MARK2: variants seen among roughly 807,000 people sequenced by gnomAD.
The protein encoded by MARK2 is serine/threonine-protein kinase MARK2.
A neutral mutation model predicts 89.8 loss-of-function variants in MARK2; 16 were observed. That is an observed-to-expected ratio of 0.18 (90% CI 0.12 to 0.27). The LOEUF (loss-of-function observed/expected upper bound fraction) is 0.27. MARK2 is among the 10% of genes least tolerant of loss of function. MARK2 has a pLI of 1.00. For synonymous variants in MARK2, 382 were observed against 399.5 expected, an observed-to-expected ratio of 0.96 and a Z score of 0.52; for missense variants, 621 against 1,049.9, an observed-to-expected ratio of 0.59 and a Z score of 5.65.
chr11:63,904,696 C>T lies in MARK2; in HGVS notation c.1677-90C>T. On this transcript the variant is annotated intron_variant, in intron 15 of 18. Coordinates refer to ENST00000402010, the MANE Select transcript of MARK2 (RefSeq NM_001039469.3). The surrounding 1 kb of genome is among the most constrained non-coding windows in gnomAD (Gnocchi z 6.3). ...GCTGCCTCTGCCCTAGCATCCCCCT[C>T]CCTGTCCCCACCACAGGGTGTCCAG... is the stretch of plus-strand genomic sequence containing the variant. The T allele has an allele frequency of 8.7e-7, 1 of 1,145,028 alleles. No individual in the cohort carries two copies. Among genetic ancestry groups the T allele is most frequent in the Non-Finnish European group, 1.3e-6 (1 of 769,476 alleles). 70.9% of individuals were successfully genotyped at this position (1,145,028 alleles called of 1,614,324 possible). A position where few individuals can be genotyped will look rare whatever the true frequency, so the allele number is the denominator to read the frequency against.
At chr11:63,858,409 G>T (rs1937586662) in intron 1 of MARK2, among the ~76,000 whole-genome samples, 1 of 151,718 alleles carries the variant, frequency 6.6e-6, no homozygotes, top group African/African-American at 2.4e-5. Context: ...ACCCAGGCTG[G>T]AGTGCAATGG....
intron 1 of MARK2, among the ~76,000 whole-genome samples, chr11:63,852,272 T>C (rs2016610680): frequency 6.6e-6 from 1 of 152,234 alleles, no homozygotes; most frequent in Non-Finnish European, 1.5e-5. Context: ...ACTTCTGTGC[T>C]CTTACTAGGT....
At chr11:63,879,231 C>G (rs1485954473) in intron 1 of MARK2, among the ~76,000 whole-genome samples, 1 of 152,018 alleles carries the variant, frequency 6.6e-6, no homozygotes, top group Non-Finnish European at 1.5e-5. Flanking sequence ...CACTTGAACC[C>G]AGGAGGTAGA....
chr11:63,884,032 G>A (rs749432785), intron 1 of MARK2, among the ~76,000 whole-genome samples: 5 of 152,248 alleles, frequency 3.3e-5, no homozygotes, highest in African/African-American at 4.8e-5. Flanking sequence ...TGGGCAGAGC[G>A]ACTATAGTAA....
intron 1 of MARK2, among the ~76,000 whole-genome samples, chr11:63,840,530 C>A (rs1481354310): frequency 6.6e-6 from 1 of 152,198 alleles, no homozygotes; most frequent in African/African-American, 2.4e-5. Context: ...TTTTGCCTTT[C>A]TGTCTTCGTA....
chr11:63,870,600 T>C (rs1426261125), intron 1 of MARK2, among the ~76,000 whole-genome samples: 1 of 152,192 alleles, frequency 6.6e-6, no homozygotes, highest in African/African-American at 2.4e-5. Flanking sequence ...GATTTAGTCT[T>C]GGAAATTCCC....
At chr11:63,878,967 A>G (rs1384454938) in intron 1 of MARK2, among the ~76,000 whole-genome samples, 1 of 152,146 alleles carries the variant, frequency 6.6e-6, no homozygotes, top group Non-Finnish European at 1.5e-5. Context: ...TTTCTTGACT[A>G]ATATGCTGCA....
chr11:63,857,103 G>A (rs968455175), intron 1 of MARK2, among the ~76,000 whole-genome samples: 13 of 149,514 alleles, frequency 8.7e-5, no homozygotes, highest in East Asian at 2.0e-4. Flanking sequence ...GAGCCACCAC[G>A]CCCGGCCTAA....
intron 1 of MARK2, among the ~76,000 whole-genome samples, chr11:63,864,931 C>T (rs1938043106): frequency 6.6e-6 from 1 of 152,174 alleles, no homozygotes; most frequent in Admixed American, 6.5e-5. Context: ...GAGTCTGACT[C>T]TGTTGCCCAG....
intron 1 of MARK2, among the ~76,000 whole-genome samples, chr11:63,859,099 A>G (rs1937609599): frequency 6.6e-6 from 1 of 150,994 alleles, no homozygotes; most frequent in Non-Finnish European, 1.5e-5. Flanking sequence ...TTTAACTTAT[A>G]TGTTGGCTAT....
intron 1 of MARK2, among the ~76,000 whole-genome samples, chr11:63,889,217 C>T (rs1939623883): frequency 6.6e-6 from 1 of 152,100 alleles, no homozygotes; most frequent in Non-Finnish European, 1.5e-5. Context: ...AGGCAGAGGC[C>T]TGAGGCCTCA....
chr11:63,887,126 T>G (rs1288524571), intron 1 of MARK2, among the ~76,000 whole-genome samples: 4 of 152,224 alleles, frequency 2.6e-5, no homozygotes. Flanking sequence ...CCCGAGCACC[T>G]TCCCTGAGTC....
intron 1 of MARK2, among the ~76,000 whole-genome samples, chr11:63,863,295 G>C (rs1301466895): frequency 1.3e-5 from 2 of 152,040 alleles, no homozygotes; most frequent in African/African-American, 4.8e-5. Context: ...TTGTTTCTTA[G>C]TGGGAATGGT....
intron 1 of MARK2, chr11:63,850,073 G>GA (rs976046541): frequency 2.6e-5 from 4 of 152,284 alleles, no homozygotes; most frequent in African/African-American, 9.6e-5. Flanking sequence ...GTAATCAGTT[G>GA]AAAAAATCTT....
chr11:63,839,383 C>G lies in MARK2; in HGVS notation c.-124C>G. On this transcript the variant is annotated 5_prime_UTR_variant, in exon 1 of 19. Transcript: ENST00000402010. ...GAGCGGCTGCCCGGCCTCCCCGCACCCCCGGCCGGGGCCCATGCGGCGGGT... is the reference window on the plus strand; with the variant it reads ...GAGCGGCTGCCCGGCCTCCCCGCACGCCCGGCCGGGGCCCATGCGGCGGGT... 3.3e-6 allele frequency: 2 copies of G among 599,188 alleles called. No homozygotes were observed. The highest frequency in any genetic ancestry group is 1.9e-5 in the South Asian group (1 of 53,554). The allele number at this position is 599,188 out of a possible 1,614,324, so 37.1% of individuals were successfully genotyped here.
In MARK2 at chr11:63,902,687, C is replaced by T. The variant is rs1319760535; in HGVS notation, c.1321C>T (p.Arg441Trp). 8 of 1,614,066 alleles carry T rather than the reference C, an allele frequency of 5.0e-6. No homozygotes were observed. The highest frequency in any genetic ancestry group is 6.8e-6 in the Non-Finnish European group (8 of 1,179,984). Reference sequence around the variant, plus strand: ...AGAAAATAAGCGGCCTGAGGAGGACCGGGAGTCAGGGCGGAAAGCCAGCAG... The same window carrying T: ...AGAAAATAAGCGGCCTGAGGAGGACTGGGAGTCAGGGCGGAAAGCCAGCAG... ...NAENKRPEED[R>W]ESGRKASSTA... Residue 441 changes from arginine to tryptophan, a missense_variant, in exon 13 of 19, where the codon CGG becomes TGG. By Grantham distance (101) the Arg-to-Trp change is moderately radical. This residue lies in a region of MARK2 where 397 missense variants were observed against 567.8 expected (regional missense o/e 0.70). Transcript: ENST00000402010. The surrounding 1 kb of genome is among the most constrained non-coding windows in gnomAD (Gnocchi z 4.2).
intron 1 of MARK2, among the ~76,000 whole-genome samples, chr11:63,850,458 C>G (rs1464858139): frequency 6.6e-6 from 1 of 151,324 alleles, no homozygotes; most frequent in Non-Finnish European, 1.5e-5. Context: ...TGAGCCACTG[C>G]ACCCGCCCTA....
chr11:63,853,840 TTTAC>T lies in MARK2; in HGVS notation c.54+14284_54+14287del, dbSNP rs534250666. On this transcript the variant is annotated intron_variant, in intron 1 of 18. Transcript: ENST00000402010. ...GGATTAAAGACTATCATTTTTTTTA[TTTAC>T]TTATTTATTTATTTATTTATTTTAA... 1.4e-3 allele frequency among the ~76,000 whole-genome samples: 208 copies of T among 152,140 alleles called. 1 individual carries two copies. The highest frequency in any genetic ancestry group is 2.3e-3 in the Non-Finnish European group (155 of 67,996).
At chr11:63,906,065 C>CTT in intron 16 of MARK2, 23 bp from the exon 17 acceptor site, 2 of 1,333,378 alleles carry the variant, frequency 1.5e-6, no homozygotes, top group Non-Finnish European at 9.7e-7. Flanking sequence ...TTTATTTTGT[C>CTT]TTTTTTTTGT....
Sources: gnomAD v4.1 joint callset for allele counts (sites outside exome capture counted in the v4.1 genomes callset) on GRCh38, gnomAD v4.1.1 for gene constraint, gnomAD v4.1.1 regional missense constraint, Gnocchi (gnomAD v3.1) non-coding constraint, MANE v1.5 for transcripts, NCBI Gene and HGNC (gene_info 2026-07-23, HGNC 2026-07-21) for gene names.